MARCHF1: variants seen among roughly 807,000 people sequenced by gnomAD.
The protein encoded by MARCHF1 is membrane associated ring-CH-type finger 1.
MARCHF1 carries 40 observed loss-of-function variants against 54.2 expected under a neutral mutation model. The observed-to-expected ratio is 0.74, with a 90% confidence interval of 0.57 to 0.96. MARCHF1 has a LOEUF of 0.96. Among genes scored for constraint, MARCHF1 ranks in the 40% least tolerant of loss-of-function variants. MARCHF1 has a pLI of 0.00. For missense variants in MARCHF1, 586 were observed against 656.5 expected, an observed-to-expected ratio of 0.89 and a Z score of 1.17; for synonymous variants, 236 against 236.3, an observed-to-expected ratio of 1.00 and a Z score of 0.01.
At chr4:164,087,324 T>C (rs1579522117) in intron 2 of MARCHF1, among the ~76,000 whole-genome samples, 1 of 152,186 alleles carries the variant, frequency 6.6e-6, no homozygotes, top group Middle Eastern at 3.4e-3. Flanking sequence ...TTATAGTGTG[T>C]ACAGTATTCT....
At chr4:164,028,313 G>T (rs577162900) in intron 2 of MARCHF1, among the ~76,000 whole-genome samples, 4 of 152,104 alleles carry the variant, frequency 2.6e-5, no homozygotes, top group Non-Finnish European at 5.9e-5. Context: ...AAAGACATGG[G>T]ATCAACCTAT....
At chr4:164,265,169 T>A (rs996266540) in intron 1 of MARCHF1, among the ~76,000 whole-genome samples, 3 of 152,138 alleles carry the variant, frequency 2.0e-5, no homozygotes, top group Non-Finnish European at 4.4e-5. Context: ...TTTGCTTTAA[T>A]TTGAAATATT....
At chr4:163,958,885 G>T (rs1053396091) in intron 3 of MARCHF1, among the ~76,000 whole-genome samples, 10 of 151,966 alleles carry the variant, frequency 6.6e-5, no homozygotes, top group Admixed American at 1.3e-4. Context: ...CCGAATCCAG[G>T]CTTTAAAAGG....
intron 5 of MARCHF1, among the ~76,000 whole-genome samples, chr4:163,618,980 T>A (rs1210269687): frequency 6.6e-6 from 1 of 151,808 alleles, no homozygotes; most frequent in Non-Finnish European, 1.5e-5. Flanking sequence ...GTGACTCAAG[T>A]AGGGGATGGC....
At chr4:163,856,400 C>T (rs1749768355) in intron 3 of MARCHF1, among the ~76,000 whole-genome samples, 1 of 152,140 alleles carries the variant, frequency 6.6e-6, no homozygotes, top group South Asian at 2.1e-4. Flanking sequence ...AGACAAGAAA[C>T]GAGATACATT....
intron 1 of MARCHF1, among the ~76,000 whole-genome samples, chr4:164,218,872 A>C (rs923136854): frequency 4.6e-5 from 7 of 152,146 alleles, no homozygotes; most frequent in African/African-American, 1.7e-4. Context: ...AAAAGAAGTA[A>C]CAGTAGATAA....
chr4:164,040,907 A>C (rs1348618990), intron 2 of MARCHF1, among the ~76,000 whole-genome samples: 1 of 152,194 alleles, frequency 6.6e-6, no homozygotes, highest in East Asian at 1.9e-4. Flanking sequence ...TCTAATATAA[A>C]TCCTGTGTTT....
chr4:163,551,663 G>A (rs1379646725), intron 8 of MARCHF1, among the ~76,000 whole-genome samples: 1 of 152,192 alleles, frequency 6.6e-6, no homozygotes, highest in East Asian at 1.9e-4. Flanking sequence ...ATCTCATGTT[G>A]AATTGTAGCT....
intron 1 of MARCHF1, among the ~76,000 whole-genome samples, chr4:164,149,449 C>A (rs1463957418): frequency 6.6e-6 from 1 of 152,102 alleles, no homozygotes; most frequent in Non-Finnish European, 1.5e-5. Flanking sequence ...AGTAAGAAGA[C>A]GTTTAAATGG....
At chr4:164,202,170 C>T (rs1731473336) in intron 1 of MARCHF1, among the ~76,000 whole-genome samples, 1 of 152,114 alleles carries the variant, frequency 6.6e-6, no homozygotes, top group Admixed American at 6.6e-5. Flanking sequence ...AGGGAGCTGA[C>T]CTTGATTTAG....
Position 163,630,027 on chromosome 4 carries a change from G to A in MARCHF1, c.163-16634C>T, listed in dbSNP as rs577465574. Among the ~76,000 whole-genome samples, 67 of 152,196 alleles carry A rather than the reference G, an allele frequency of 4.4e-4. No individual in the cohort carries two copies. In the South Asian group the frequency reaches 7.5e-3, roughly 17 times the overall value. ...GTACATTGTTGGAGGAAATAATTTC[G>A]CAGTTTCATATAAAGTTAAATAAAC... is the stretch of plus-strand genomic sequence containing the variant. On this transcript the variant is annotated intron_variant, in intron 5 of 9. Transcript: ENST00000514618.
chr4:164,350,804 G>C (rs368653581), intron 1 of MARCHF1, among the ~76,000 whole-genome samples: 147 of 152,236 alleles, frequency 9.7e-4, no homozygotes, highest in African/African-American at 3.2e-3. Context: ...AGCTCCCAGC[G>C]TGAGCGACGC....
At chr4:163,681,658 A>G (rs1441465424) in intron 5 of MARCHF1, among the ~76,000 whole-genome samples, 1 of 152,072 alleles carries the variant, frequency 6.6e-6, no homozygotes, top group Admixed American at 6.6e-5. Context: ...CTGCCATGTG[A>G]AGAAGGATGT....
chr4:163,649,741 GTC>G (rs1240890483), intron 5 of MARCHF1, among the ~76,000 whole-genome samples: 1 of 151,290 alleles, frequency 6.6e-6, no homozygotes, highest in Admixed American at 6.6e-5. Flanking sequence ...ACCCTGTGGA[GTC>G]TCTCCTTGTT....
intron 5 of MARCHF1, among the ~76,000 whole-genome samples, chr4:163,677,257 G>A (rs188859461): frequency 2.0e-4 from 31 of 152,234 alleles, no homozygotes; most frequent in African/African-American, 6.7e-4. Context: ...ATTTCCCTAC[G>A]GAAATTCTAT....
At chr4:164,180,206 G>T (rs1007628078) in intron 1 of MARCHF1, among the ~76,000 whole-genome samples, 5 of 151,832 alleles carry the variant, frequency 3.3e-5, no homozygotes, top group African/African-American at 1.2e-4. Flanking sequence ...TTTAACGCAG[G>T]AATTTATATT....
At chr4:164,256,444 AAAAAG>A (rs1192739695) in intron 1 of MARCHF1, among the ~76,000 whole-genome samples, 15 of 150,462 alleles carry the variant, frequency 1.0e-4, no homozygotes, top group Non-Finnish European at 2.2e-4. Context: ...AAAAAAAAAA[AAAAAG>A]AAAGAAAAGA....
At chr4:163,860,796 A>G (rs997267886) in intron 3 of MARCHF1, among the ~76,000 whole-genome samples, 5 of 152,218 alleles carry the variant, frequency 3.3e-5, no homozygotes, top group Non-Finnish European at 7.3e-5. Context: ...GTAGGGCACT[A>G]CAAGAATTCT....
chr4:163,750,187 T>C (rs1443007025), intron 4 of MARCHF1, among the ~76,000 whole-genome samples: 2 of 152,018 alleles, frequency 1.3e-5, no homozygotes, highest in African/African-American at 4.8e-5. Context: ...CCAAAACACT[T>C]TGTAACCATC....
Sources: allele counts gnomAD v4.1 joint callset (sites outside exome capture counted in the v4.1 genomes callset), GRCh38; gene constraint gnomAD v4.1.1; transcripts MANE v1.5; gene names NCBI Gene and HGNC (gene_info 2026-07-23, HGNC 2026-07-21).